Variants in CEP72 observed in about 807,000 individuals in gnomAD.
The protein encoded by CEP72 is centrosomal protein 72, also known as centrosomal protein of 72 kDa.
In CEP72, 78 loss-of-function variants were observed where a neutral mutation model predicts 65.7. That is an observed-to-expected ratio of 1.19 (90% confidence interval 0.99 to 1.43). The LOEUF (loss-of-function observed/expected upper bound fraction) is 1.43, where lower values mean the gene tolerates loss of function less well. CEP72 is among the 40% of genes most tolerant of loss of function. The pLI is 0.00. For missense variants in CEP72, 914 were observed against 832.9 expected (o/e 1.10, Z -1.20); for synonymous variants, 358 against 351.7 (o/e 1.02, Z -0.20).
In CEP72 at chr5:623,736, C is replaced by A. The variant is rs1736550859; in HGVS notation, c.404-735C>A. The stretch of plus-strand genomic sequence containing the variant: ...CCTGTGTGCTGGGTGGAGAGTGCCC[C>A]AGGTTGCAGAGGCCTCTGACTCGGC... On this transcript the variant is annotated intron_variant, in intron 3 of 11. Coordinates refer to ENST00000264935, the MANE Select transcript of CEP72 (RefSeq NM_018140.4). The surrounding 1 kb of genome is among the most constrained non-coding windows in gnomAD (Gnocchi z 5.3). Among the ~76,000 whole-genome samples, 1 of 151,898 alleles carries A rather than the reference C, an allele frequency of 6.6e-6. No individual in the cohort carries two copies. The highest frequency in any genetic ancestry group is 2.4e-5 in the African/African-American group (1 of 41,324).
chr5:641,060 T>C, intron 9 of CEP72: 1 of 985,424 alleles, frequency 1.0e-6, no homozygotes, highest in East Asian at 1.1e-4. Context: ...TTTATCACCT[T>C]GGATTTCTGT....
At chr5:613,954 C>CA (rs1369004705) in intron 1 of CEP72, among the ~76,000 whole-genome samples, 2 of 152,234 alleles carry the variant, frequency 1.3e-5, no homozygotes, top group Non-Finnish European at 2.9e-5. Context: ...GTAGGCACCA[C>CA]AGGGCTCTGA....
intron 9 of CEP72, chr5:643,017 C>T (rs1392551968): frequency 6.1e-6 from 6 of 985,480 alleles, no homozygotes; most frequent in Non-Finnish European, 7.2e-6. Flanking sequence ...TGGGTGCAGT[C>T]GGTCCTCTGT....
At chr5:640,312 C>T in intron 8 of CEP72, 96 bp from the exon 9 acceptor site, 1 of 1,517,436 alleles carries the variant, frequency 6.6e-7, no homozygotes, top group Non-Finnish European at 8.9e-7. Context: ...CTTTTTGAGG[C>T]ATCGTCTGTG....
At chr5:625,443 C>T (rs1402988168) in intron 4 of CEP72, among the ~76,000 whole-genome samples, 2 of 152,222 alleles carry the variant, frequency 1.3e-5, no homozygotes, top group African/African-American at 2.4e-5. Context: ...TGACCTCTGT[C>T]CCATCTTCTT....
chr5:649,122 ATGTGAGGCGTGAC>A (rs1371949851), intron 11 of CEP72, among the ~76,000 whole-genome samples: 40 of 42,480 alleles, frequency 9.4e-4, no homozygotes, highest in Admixed American at 1.8e-3. Flanking sequence ...TGAGGTGTGA[ATGTGAGGCGTGAC>A]TGTGAGGCGT....
At chr5:640,379 C>T in intron 8 of CEP72, 29 bp from the exon 9 acceptor site, 1 of 1,604,176 alleles carries the variant, frequency 6.2e-7, no homozygotes, top group South Asian at 1.1e-5. Context: ...AGCCTAAGTG[C>T]TAATGTAATA....
chr5:669,091 CA>C (rs1186732836), downstream of CEP72, among the ~76,000 whole-genome samples: 2 of 152,262 alleles, frequency 1.3e-5, no homozygotes, highest in African/African-American at 4.8e-5. Context: ...TCCCACAGCT[CA>C]GACCCTCACG....
rs567852757 is a variant in CEP72 at position 648,432 on chromosome 5, G to T, written c.1778+516G>T. Among the ~76,000 whole-genome samples, 8 of 147,856 alleles carry T rather than the reference G, an allele frequency of 5.4e-5. 1 individual carries two copies. The highest frequency in any genetic ancestry group is 4.2e-4 in the South Asian group (2 of 4,716). ...TATGTGACCATGGGGTGTGGGCTGT[G>T]AGGTATCAACCCTGAGTGTGAGGTG... On this transcript the variant is annotated intron_variant, in intron 11 of 11. Transcript: ENST00000264935.
chr5:628,514 CCCCCTTCTTT>C (rs1736924297), intron 4 of CEP72, among the ~76,000 whole-genome samples: 2 of 147,930 alleles, frequency 1.4e-5, no homozygotes, highest in South Asian at 2.1e-4. Flanking sequence ...CAGGACCCAG[CCCCCTTCTTT>C]GTGCAGCTTC....
rs62001007 is a variant in CEP72 at position 644,421 on chromosome 5, C to A, written c.1662C>A (p.Ile554=). The change falls in exon 10 of 12, where the codon ATC becomes ATA. Residue 554 remains isoleucine, a synonymous_variant. Transcript: ENST00000264935. The part of the protein sequence containing the change: ...ADTAATLNLQ[I]AGLQTSVKRL... ...CTGCAGCCACGTTAAATTTGCAGAT[C>A]GCTGGTAAGTTGATCGTGTATTTGG... 3 of 1,613,626 alleles carry A rather than the reference C, an allele frequency of 1.9e-6. No homozygotes were observed. In the South Asian group the frequency reaches 3.3e-5, roughly 18 times the overall value.
rs754987540 is a variant in CEP72 at position 624,294 on chromosome 5, C to T, written c.404-177C>T. Among the ~76,000 whole-genome samples the T allele has an allele frequency of 6.6e-5, 10 of 152,208 alleles. No individual in the cohort carries two copies. The highest frequency in any genetic ancestry group is 1.2e-4 in the Non-Finnish European group (8 of 68,028). ...TGAGGGACAGGCGGCCTCAGCACCACGCTGGGCATCGCCGGGAAGCTGTGG... is the reference window on the plus strand; with the variant it reads ...TGAGGGACAGGCGGCCTCAGCACCATGCTGGGCATCGCCGGGAAGCTGTGG... On this transcript the variant is annotated intron_variant, in intron 3 of 11. Transcript: ENST00000264935. The surrounding 1 kb of genome is among the most constrained non-coding windows in gnomAD (Gnocchi z 4.7).
At position 653,095 on chromosome 5, in the gene CEP72, A is replaced by C. The variant is rs1490732733; in HGVS notation, c.1886A>C (p.Lys629Thr). 9 of 1,613,670 alleles carry C rather than the reference A, an allele frequency of 5.6e-6. No homozygotes were observed. Among genetic ancestry groups the C allele is most frequent in the Non-Finnish European group, 6.8e-6 (8 of 1,180,008 alleles). ...CACTGGAGCTACCAGGAGCTCAAGA[A>C]GACCATGGCCCTGTTTCCACACAGC... is the stretch of plus-strand genomic sequence containing the variant. ...QMHWSYQELKKTMALFPHSSA... is the reference protein window; with the variant it reads ...QMHWSYQELKTTMALFPHSSA... Residue 629 changes from lysine (K) to threonine (T), a missense_variant, in exon 12 of 12, where the codon AAG becomes ACG. By Grantham distance (78) the Lys-to-Thr change is moderately conservative (BLOSUM62 -1). Coordinates refer to ENST00000264935, the MANE Select transcript of CEP72 (RefSeq NM_018140.4).
the CEP72 span, among the ~76,000 whole-genome samples, chr5:673,099 G>C: frequency 1.3e-5 from 2 of 152,172 alleles, no homozygotes; most frequent in Admixed American, 1.3e-4. Context: ...AGCTCCTGAG[G>C]GAGGCAGAGG....
intron 4 of CEP72, among the ~76,000 whole-genome samples, chr5:632,726 C>T (rs570691569): frequency 0.036 from 986 of 27,668 alleles, 3 homozygotes; most frequent in African/African-American, 0.2. Flanking sequence ...TATCCAGTGC[C>T]GGGATTTGGC....
chr5:614,361 A>G (rs1350609742), intron 1 of CEP72, among the ~76,000 whole-genome samples: 2 of 152,042 alleles, frequency 1.3e-5, no homozygotes, highest in African/African-American at 4.8e-5. Flanking sequence ...TGTATCCACA[A>G]ATTTTGTTAT....
intron 1 of CEP72, among the ~76,000 whole-genome samples, chr5:618,148 A>G (rs967195944): frequency 6.6e-6 from 1 of 152,094 alleles, no homozygotes; most frequent in East Asian, 1.9e-4. Context: ...GATGAAGTAG[A>G]GGGGTGTTCC....
intron 4 of CEP72, among the ~76,000 whole-genome samples, chr5:627,833 C>T (rs1736852078): frequency 6.6e-6 from 1 of 152,182 alleles, no homozygotes; most frequent in African/African-American, 2.4e-5. Context: ...TAAAACTTTA[C>T]AGTAGTGTTT....
chr5:657,322 C>T (rs1386735422), downstream of CEP72, among the ~76,000 whole-genome samples: 1 of 152,154 alleles, frequency 6.6e-6, no homozygotes, highest in Non-Finnish European at 1.5e-5. Context: ...CACTGGGTAG[C>T]TGCGTGCTCT....
Sources: gnomAD v4.1 joint callset for allele counts (sites outside exome capture counted in the v4.1 genomes callset) on GRCh38, gnomAD v4.1.1 for gene constraint, Gnocchi (gnomAD v3.1) non-coding constraint, MANE v1.5 for transcripts, NCBI Gene and HGNC (gene_info 2026-07-23, HGNC 2026-07-21) for gene names.